Variants in PDS5B observed in about 807,000 individuals in gnomAD.
The protein encoded by PDS5B is sister chromatid cohesion protein PDS5 homolog B.
PDS5B carries 51 observed loss-of-function variants against 184.1 expected under a neutral mutation model. The observed-to-expected ratio is 0.28, with a 90% CI of 0.22 to 0.35. The LOEUF is 0.35. Ranked by LOEUF, PDS5B falls within the 10% of genes least tolerant of loss-of-function variation. The pLI is 1.00. For synonymous variants in PDS5B, 566 were observed against 569.2 expected, an observed-to-expected ratio of 0.99 and a Z score of 0.08; for missense variants, 1,180 against 1,723.3, an observed-to-expected ratio of 0.68 and a Z score of 5.58.
At chr13:32,701,187 G>T in intron 16 of PDS5B, 136 bp from the exon 17 acceptor site, 2 of 542,570 alleles carry the variant, frequency 3.7e-6, no homozygotes, top group South Asian at 2.5e-5. Context: ...CTTTTTTTCT[G>T]GGCTTGTTCA....
intron 17 of PDS5B, among the ~76,000 whole-genome samples, chr13:32,702,759 G>A (rs1486720447): frequency 1.3e-5 from 2 of 152,118 alleles, no homozygotes; most frequent in Admixed American, 6.6e-5. Context: ...AAACTGTTAT[G>A]AGATGATCCT....
intron 29 of PDS5B, among the ~76,000 whole-genome samples, chr13:32,760,272 T>C (rs558138115): frequency 1.3e-5 from 2 of 152,344 alleles, no homozygotes; most frequent in East Asian, 1.9e-4. Flanking sequence ...CATATTCTTA[T>C]GTCTTTCCAT....
intron 11 of PDS5B, among the ~76,000 whole-genome samples, chr13:32,686,296 C>G (rs751462031): frequency 3.9e-5 from 6 of 152,158 alleles, no homozygotes; most frequent in Non-Finnish European, 8.8e-5. Context: ...AACTCAGTCC[C>G]AGATGTACAG....
At chr13:32,623,819 TTTG>T (rs1174713212) in intron 1 of PDS5B, among the ~76,000 whole-genome samples, 1 of 152,130 alleles carries the variant, frequency 6.6e-6, no homozygotes, top group Non-Finnish European at 1.5e-5. Context: ...TTTTTTTTGC[TTTG>T]TTGTTGTTGA....
intron 1 of PDS5B, among the ~76,000 whole-genome samples, chr13:32,615,488 A>G (rs2058204512): frequency 6.6e-6 from 1 of 152,208 alleles, no homozygotes; most frequent in Non-Finnish European, 1.5e-5. Flanking sequence ...TGTGTATTGA[A>G]TCATCAAGAA....
intron 13 of PDS5B, chr13:32,690,632 G>C (rs778720173): frequency 6.6e-6 from 1 of 151,980 alleles, no homozygotes; most frequent in Non-Finnish European, 1.5e-5. Flanking sequence ...AATACACAAA[G>C]TATAGTTGTT....
chr13:32,668,615 C>G (rs1950859787), intron 7 of PDS5B, among the ~76,000 whole-genome samples: 1 of 151,958 alleles, frequency 6.6e-6, no homozygotes, highest in Non-Finnish European at 1.5e-5. Context: ...TAATGGTGGC[C>G]CTTGGAATTG....
intron 17 of PDS5B, among the ~76,000 whole-genome samples, chr13:32,703,115 G>A (rs1951909575): frequency 6.6e-6 from 1 of 151,894 alleles, no homozygotes; most frequent in Non-Finnish European, 1.5e-5. Flanking sequence ...AGGTGAGAGA[G>A]GTTGTGCTTC....
At chr13:32,702,361 T>G (rs1017153783) in intron 17 of PDS5B, among the ~76,000 whole-genome samples, 1 of 152,154 alleles carries the variant, frequency 6.6e-6, no homozygotes, top group Non-Finnish European at 1.5e-5. Context: ...AGTAGAAGCC[T>G]CTATATTTGT....
intron 6 of PDS5B, among the ~76,000 whole-genome samples, chr13:32,662,275 C>A (rs1161574386): frequency 6.6e-6 from 1 of 152,034 alleles, no homozygotes; most frequent in East Asian, 1.9e-4. Context: ...AACTTGTGTG[C>A]ACACAGGCTC....
chr13:32,742,373 A>G (rs1002370238), intron 22 of PDS5B, among the ~76,000 whole-genome samples: 1 of 152,152 alleles, frequency 6.6e-6, no homozygotes, highest in Non-Finnish European at 1.5e-5. Flanking sequence ...TAAAACAGCA[A>G]AGAACAAACT....
At chr13:32,615,819 G>C (rs1396221396) in intron 1 of PDS5B, among the ~76,000 whole-genome samples, 4 of 152,156 alleles carry the variant, frequency 2.6e-5, no homozygotes, top group African/African-American at 7.2e-5. Flanking sequence ...AACTTATATA[G>C]TCCCTGGCAA....
chr13:32,707,895 T>C (rs1034921399), intron 18 of PDS5B, among the ~76,000 whole-genome samples: 3 of 151,804 alleles, frequency 2.0e-5, no homozygotes, highest in African/African-American at 7.3e-5. Context: ...GGAGCTCAGA[T>C]ACAGGACCAA....
At chr13:32,692,387 T>C (rs1186478809) in intron 13 of PDS5B, among the ~76,000 whole-genome samples, 1 of 146,020 alleles carries the variant, frequency 6.8e-6, no homozygotes, top group Non-Finnish European at 1.5e-5. Context: ...ATCTTCTCTT[T>C]TATTAAACAA....
At chr13:32,660,240 G>GAGCAGTT (rs1950608724) in intron 6 of PDS5B, among the ~76,000 whole-genome samples, 1 of 152,184 alleles carries the variant, frequency 6.6e-6, no homozygotes, top group Non-Finnish European at 1.5e-5. Context: ...AAGCTGGCAA[G>GAGCAGTT]TAGACCTGCA....
Position 32,701,233 on chromosome 13 carries a change from C to A in PDS5B, c.1741-90C>A, listed in dbSNP as rs1252475179. On this transcript the variant is annotated intron_variant, in intron 16 of 34. Coordinates refer to ENST00000315596, the MANE Select transcript of PDS5B (RefSeq NM_015032.4). ...TTTGTTTATTCCAGCGTCAGTACTA[C>A]ATGGTTTTAATTATTGTTGGTTCTT... 5.9e-6 allele frequency: 4 copies of A among 683,208 alleles called. No homozygotes were observed. In the African/African-American group the frequency reaches 7.3e-5, roughly 12 times the overall value. The allele number at this position is 683,208 out of a possible 1,614,324, so 42.3% of individuals were successfully genotyped here.
intron 31 of PDS5B, among the ~76,000 whole-genome samples, chr13:32,769,525 T>C (rs1017670578): frequency 1.3e-5 from 2 of 152,166 alleles, no homozygotes; most frequent in African/African-American, 4.8e-5. Flanking sequence ...AAGCCACTGG[T>C]TTTTTGTTGT....
chr13:32,646,950 G>A (rs1950243440), intron 1 of PDS5B, among the ~76,000 whole-genome samples: 2 of 152,122 alleles, frequency 1.3e-5, no homozygotes, highest in Admixed American at 1.3e-4. Flanking sequence ...TGTTGTTGCT[G>A]TTGAGAAGTC....
At chr13:32,657,832 A>G (rs1257189634) in intron 3 of PDS5B, among the ~76,000 whole-genome samples, 1 of 152,140 alleles carries the variant, frequency 6.6e-6, no homozygotes, top group Non-Finnish European at 1.5e-5. Context: ...ATTAAAAAAA[A>G]TTGTTTCCTA....
Sources: gnomAD v4.1 joint callset for allele counts (sites outside exome capture counted in the v4.1 genomes callset) on GRCh38, gnomAD v4.1.1 for gene constraint, MANE v1.5 for transcripts, NCBI Gene and HGNC (gene_info 2026-07-23, HGNC 2026-07-21) for gene names.